CRCP: variants seen among roughly 807,000 people sequenced by gnomAD.
CRCP encodes the protein CGRP receptor component, also known as DNA-directed RNA polymerase III subunit RPC9.
A neutral mutation model predicts 18.5 loss-of-function variants in CRCP; 18 were observed. The ratio of observed to expected loss-of-function variants is 0.97; its 90% CI spans 0.67 to 1.44. The LOEUF (loss-of-function observed/expected upper bound fraction) is 1.44, where lower values mean the gene tolerates loss of function less well. Among genes scored for constraint, CRCP ranks in the 40% most tolerant of loss-of-function variants. The pLI is 0.00. For synonymous variants in CRCP, 53 were observed against 62.9 expected, an observed-to-expected ratio of 0.84 and a Z score of 0.75; for missense variants, 130 against 176.4, an observed-to-expected ratio of 0.74 and a Z score of 1.49.
intron 4 of CRCP, among the ~76,000 whole-genome samples, chr7:66,138,936 C>T (rs764500113): frequency 6.6e-6 from 1 of 151,504 alleles, no homozygotes; most frequent in African/African-American, 2.4e-5. Flanking sequence ...ATGTTTCTTA[C>T]TACATTTGTG....
intron 2 of CRCP, among the ~76,000 whole-genome samples, chr7:66,129,195 A>T (rs1334577573): frequency 2.0e-5 from 3 of 152,084 alleles, no homozygotes; most frequent in Non-Finnish European, 2.9e-5. Context: ...TAGCCGGGCA[A>T]GGTGGCGGGC....
intron 3 of CRCP, among the ~76,000 whole-genome samples, chr7:66,133,582 G>A (rs985922574): frequency 6.7e-5 from 10 of 149,890 alleles, no homozygotes; most frequent in South Asian, 2.1e-4. Context: ...CTTCTTACCC[G>A]TTTATCTATT....
chr7:66,146,456 A>G (rs985101385), intron 5 of CRCP, among the ~76,000 whole-genome samples: 7 of 152,152 alleles, frequency 4.6e-5, no homozygotes, highest in Admixed American at 1.3e-4. Flanking sequence ...TAAAAAAAAA[A>G]AAGAAGAAGA....
At chr7:66,115,911 T>C (rs983582812) in intron 1 of CRCP, among the ~76,000 whole-genome samples, 21 of 152,176 alleles carry the variant, frequency 1.4e-4, no homozygotes, top group Admixed American at 1.3e-3. Flanking sequence ...GCAATCCTGC[T>C]TCAGCCTCTT....
rs1389598943 is a variant in CRCP, at chr7:66,152,326, A to G, written c.416A>G (p.Asn139Ser). The stretch of plus-strand genomic sequence containing the variant: ...GAGCAGAAGAAGAATACAAACAGCA[A>G]TGTGGCAATGGACGAAGAGGACCCA... ...EAEQKKNTNSNVAMDEEDPA is the reference protein window; with the variant it reads ...EAEQKKNTNSSVAMDEEDPA Residue 139 changes from asparagine (N) to serine (S), a missense_variant, in exon 6 of 6, where the codon AAT becomes AGT. Coordinates refer to ENST00000395326, the MANE Select transcript of CRCP (RefSeq NM_014478.5). 34 of 1,614,128 alleles carry G rather than the reference A, an allele frequency of 2.1e-5. No individual in the cohort carries two copies. The highest frequency in any genetic ancestry group is 2.5e-5 in the Non-Finnish European group (29 of 1,180,032).
At chr7:66,141,950 G>A (rs62465474) in intron 4 of CRCP, among the ~76,000 whole-genome samples, 5,480 of 152,188 alleles carry the variant, frequency 0.036, 153 homozygotes, top group East Asian at 0.075. Context: ...CTCCTTGGGT[G>A]TAGGACAGGG....
chr7:66,149,849 C>G (rs550678240), intron 5 of CRCP, among the ~76,000 whole-genome samples: 15 of 152,238 alleles, frequency 9.9e-5, no homozygotes, highest in African/African-American at 3.4e-4. Flanking sequence ...CTCTGTCACC[C>G]AGGCTGGAGT....
At chr7:66,139,511 C>T (rs1472716288) in intron 4 of CRCP, among the ~76,000 whole-genome samples, 1 of 152,076 alleles carries the variant, frequency 6.6e-6, no homozygotes, top group African/African-American at 2.4e-5. Flanking sequence ...TTTTCGTGGT[C>T]GAGGTAATTG....
In CRCP at chr7:66,152,063, T is replaced by C. The variant is rs568721003; in HGVS notation, c.298-145T>C. On this transcript the variant is annotated intron_variant, in intron 5 of 5. Transcript: ENST00000395326. ...TGTGACTTGGCTCCACCCTTCCGTC[T>C]GTAAGATGGAGAGGACTCACGAGGA... 14 of 814,476 alleles carry C rather than the reference T, an allele frequency of 1.7e-5. No individual in the cohort carries two copies. In the African/African-American group the frequency reaches 1.9e-4, roughly 11 times the overall value. 50.5% of individuals were successfully genotyped at this position (814,476 alleles called of 1,614,324 possible). A position where few individuals can be genotyped will look rare whatever the true frequency, so the allele number is the denominator to read the frequency against.
chr7:66,151,237 G>A (rs1389199174), intron 5 of CRCP, among the ~76,000 whole-genome samples: 1 of 152,144 alleles, frequency 6.6e-6, no homozygotes, highest in African/African-American at 2.4e-5. Flanking sequence ...TTGGCACATA[G>A]TGGGCATCAT....
chr7:66,149,361 A>AAAAAATAATT (rs1255315115), intron 5 of CRCP, among the ~76,000 whole-genome samples: 1 of 152,110 alleles, frequency 6.6e-6, no homozygotes, highest in Non-Finnish European at 1.5e-5. Context: ...AAAAAATAAT[A>AAAAAATAATT]AAAAATAATT....
chr7:66,129,574 C>T (rs1316962185), intron 2 of CRCP, among the ~76,000 whole-genome samples: 3 of 151,718 alleles, frequency 2.0e-5, no homozygotes, highest in Non-Finnish European at 4.4e-5. Flanking sequence ...CCTCCCCCGC[C>T]CCACAAAAAA....
At chr7:66,130,665 T>C in intron 2 of CRCP, 79 bp from the exon 3 acceptor site, 2 of 809,198 alleles carry the variant, frequency 2.5e-6, no homozygotes, top group Non-Finnish European at 4.1e-6. Context: ...CTTTCCTGTT[T>C]ATCCTTCAAA....
At chr7:66,152,021 A>G (rs1238268166) in intron 5 of CRCP, among the ~76,000 whole-genome samples, 187 bp from the exon 6 acceptor site, 8 of 151,976 alleles carry the variant, frequency 5.3e-5, no homozygotes, top group Admixed American at 4.6e-4. Context: ...GATCAGTCGC[A>G]TTGGCTCAGT....
intron 5 of CRCP, among the ~76,000 whole-genome samples, chr7:66,147,788 G>T (rs1442301883): frequency 1.3e-5 from 2 of 152,238 alleles, no homozygotes; most frequent in Non-Finnish European, 2.9e-5. Flanking sequence ...GCCGAACATG[G>T]TGGCTTGCGC....
intron 4 of CRCP, among the ~76,000 whole-genome samples, chr7:66,141,510 G>C (rs1788138001): frequency 6.6e-6 from 1 of 152,240 alleles, no homozygotes; most frequent in South Asian, 2.1e-4. Flanking sequence ...CAGTAGGAGG[G>C]TCAGAGGATG....
chr7:66,128,240 G>A (rs189796404), intron 2 of CRCP, among the ~76,000 whole-genome samples: 140 of 152,250 alleles, frequency 9.2e-4, no homozygotes, highest in Non-Finnish European at 1.5e-3. Context: ...AGCTTGACAC[G>A]TTATACATAG....
At chr7:66,144,480 GATTTTGTGTGTTTTA>G (rs976088118) in intron 4 of CRCP, among the ~76,000 whole-genome samples, 1 of 152,120 alleles carries the variant, frequency 6.6e-6, no homozygotes, top group African/African-American at 2.4e-5. Context: ...CACACAAGAT[GATTTTGTGTGTTTTA>G]ATTTTTTAGT....
Position 66,125,305 on chromosome 7 carries a change from A to G in CRCP, c.9-2399A>G, listed in dbSNP as rs758938379. Among the ~76,000 whole-genome samples the G allele has an allele frequency of 1.9e-4, 29 of 149,334 alleles. 3 individuals carry two copies. The highest frequency in any genetic ancestry group is 4.0e-4 in the Non-Finnish European group (27 of 66,810). ...TGGTGGTTACAGTAACTTCTCAAAGATAAAAACTGCCTTTAAAAAAATTCC... is the reference window on the plus strand; with the variant it reads ...TGGTGGTTACAGTAACTTCTCAAAGGTAAAAACTGCCTTTAAAAAAATTCC... On this transcript the variant is annotated intron_variant, in intron 1 of 5. Coordinates refer to ENST00000395326, the MANE Select transcript of CRCP (RefSeq NM_014478.5).
Sources: gnomAD v4.1 joint callset for allele counts (sites outside exome capture counted in the v4.1 genomes callset) on GRCh38, gnomAD v4.1.1 for gene constraint, MANE v1.5 for transcripts, NCBI Gene and HGNC (gene_info 2026-07-23, HGNC 2026-07-21) for gene names.